The following MED13L variants were observed in gnomAD, a reference collection of about 807,000 sequenced individuals.
The protein encoded by MED13L is mediator complex subunit 13L, also known as mediator of RNA polymerase II transcription subunit 13-like.
In MED13L, 7 loss-of-function variants were observed where a neutral mutation model predicts 220.9. That is an observed-to-expected ratio of 0.03 (90% CI 0.02 to 0.06). MED13L has a LOEUF of 0.06. Among genes scored for constraint, MED13L ranks in the 10% least tolerant of loss-of-function variants. MED13L has a pLI of 1.00. For synonymous variants in MED13L, 1,011 were observed against 1,015.2 expected (o/e 1.00, Z 0.08); for missense variants, 1,965 against 2,760.5 (o/e 0.71, Z 6.46).
chr12:115,995,822 G>A (rs986114443), intron 16 of MED13L, among the ~76,000 whole-genome samples: 2 of 152,116 alleles, frequency 1.3e-5, no homozygotes, highest in African/African-American at 2.4e-5. Flanking sequence ...TGACTATCTC[G>A]TGTAATTTAT....
At chr12:116,050,976 T>C (rs989317975) in intron 4 of MED13L, among the ~76,000 whole-genome samples, 2 of 151,974 alleles carry the variant, frequency 1.3e-5, no homozygotes, top group African/African-American at 4.8e-5. Context: ...ATTTACATTC[T>C]TCAAATATAA....
At chr12:116,041,448 C>T (rs1195983886) in intron 4 of MED13L, among the ~76,000 whole-genome samples, 1 of 152,098 alleles carries the variant, frequency 6.6e-6, no homozygotes, top group Non-Finnish European at 1.5e-5. Context: ...TAATACAGGC[C>T]CGAAGAGATC....
chr12:116,158,354 A>G (rs1184417763), intron 2 of MED13L, among the ~76,000 whole-genome samples: 1 of 152,150 alleles, frequency 6.6e-6, no homozygotes, highest in Admixed American at 6.6e-5. Context: ...AGAATTCTGG[A>G]AGAAGATCGG....
chr12:116,143,089 C>T (rs2138056292), intron 2 of MED13L, among the ~76,000 whole-genome samples: 1 of 152,282 alleles, frequency 6.6e-6, no homozygotes, highest in East Asian at 1.9e-4. Flanking sequence ...TTCTGAACTA[C>T]ATCAGTAGCT....
chr12:115,993,635 T>C (rs1878211432), intron 16 of MED13L, among the ~76,000 whole-genome samples: 1 of 152,094 alleles, frequency 6.6e-6, no homozygotes, highest in South Asian at 2.1e-4. Context: ...GTAATAACGA[T>C]CTTTACTCTA....
chr12:116,061,961 T>C (rs2137639380), intron 4 of MED13L, among the ~76,000 whole-genome samples: 1 of 127,208 alleles, frequency 7.9e-6, no homozygotes, highest in African/African-American at 3.1e-5. Context: ...TGAGCCGAGA[T>C]CACACCGCTG....
At chr12:116,083,830 C>G (rs571619730) in intron 4 of MED13L, among the ~76,000 whole-genome samples, 2 of 152,178 alleles carry the variant, frequency 1.3e-5, no homozygotes, top group African/African-American at 4.8e-5. Flanking sequence ...GTACCTTCAA[C>G]TGATTCTGAA....
Position 116,062,518 on chromosome 12 carries a change from T to G in MED13L, c.479+34151A>C, listed in dbSNP as rs547989568. On this transcript the variant is annotated intron_variant, in intron 4 of 30. Transcript: ENST00000281928. ...TTTTTTTTTTTTTTGAGATGGAGAC[T>G]CACTCTGTTGCCAGGCTGGTGTGCA... 2.9e-3 allele frequency among the ~76,000 whole-genome samples: 379 copies of G among 132,340 alleles called. 3 individuals are homozygous for G. Among genetic ancestry groups the G allele is most frequent in the African/African-American group, 0.01 (365 of 35,180 alleles). 86.8% of individuals were successfully genotyped at this position (132,340 alleles called of 152,430 possible).
intron 2 of MED13L, among the ~76,000 whole-genome samples, chr12:116,217,573 T>C (rs915231315): frequency 1.3e-5 from 2 of 152,194 alleles, no homozygotes; most frequent in East Asian, 3.9e-4. Flanking sequence ...AAACTGCTGA[T>C]GTTACAGCAG....
At chr12:116,231,117 G>A (rs1198582240) in intron 2 of MED13L, among the ~76,000 whole-genome samples, 1 of 152,176 alleles carries the variant, frequency 6.6e-6, no homozygotes, top group African/African-American at 2.4e-5. Context: ...CTAAAAGCAG[G>A]TGATTCCGGA....
Position 115,996,508 on chromosome 12 carries a change from G to A in MED13L, c.2964C>T (p.Pro988=), listed in dbSNP as rs1354003233. ...CATCTCTAATGAAAGTGGCTGCAGG[G>A]GGCATGGGCAGTTGTTCAATTTTAG... ...IPPKIEQLPM[P]PAATFIRDGY... Residue 988 remains proline (P), a synonymous_variant, in exon 16 of 31, where the codon CCC becomes CCT. Transcript: ENST00000281928. 1.2e-6 allele frequency: 2 copies of A among 1,614,038 alleles called. No homozygotes were observed. The highest frequency in any genetic ancestry group is 1.3e-5 in the African/African-American group (1 of 74,920).
At chr12:115,997,491 G>T (rs1030934840) in intron 14 of MED13L, among the ~76,000 whole-genome samples, 3 of 152,192 alleles carry the variant, frequency 2.0e-5, no homozygotes, top group Non-Finnish European at 4.4e-5. Flanking sequence ...GCCTGATCTT[G>T]ACTCACTGTA....
chr12:116,249,627 A>G (rs4766779), intron 1 of MED13L, among the ~76,000 whole-genome samples: 1 of 151,524 alleles, frequency 6.6e-6, no homozygotes, highest in Non-Finnish European at 1.5e-5. Context: ...AAACATAAGG[A>G]CAGAAATGGG....
chr12:116,111,386 C>G (rs1217450994), intron 3 of MED13L, 42 bp downstream of exon 3: 1 of 1,518,926 alleles, frequency 6.6e-7, no homozygotes, highest in South Asian at 1.1e-5. Context: ...TAGCAATATA[C>G]TTGGTTGTCT....
intron 2 of MED13L, among the ~76,000 whole-genome samples, chr12:116,163,940 C>T (rs1232798039): frequency 6.6e-6 from 1 of 152,168 alleles, no homozygotes; most frequent in Non-Finnish European, 1.5e-5. Context: ...TCTTCATTCA[C>T]TGAAGGCAGC....
At chr12:116,006,630 A>G (rs1293540913) in intron 11 of MED13L, among the ~76,000 whole-genome samples, 1 of 152,216 alleles carries the variant, frequency 6.6e-6, no homozygotes, top group East Asian at 1.9e-4. Flanking sequence ...CCTATGGGGT[A>G]TTCTGAGTGA....
intron 1 of MED13L, among the ~76,000 whole-genome samples, chr12:116,252,128 G>A (rs1170102285): frequency 2.0e-5 from 3 of 152,026 alleles, no homozygotes; most frequent in Non-Finnish European, 4.4e-5. Flanking sequence ...AATAGAACAA[G>A]TAGACATAAA....
intron 2 of MED13L, among the ~76,000 whole-genome samples, chr12:116,202,452 T>C (rs1882060627): frequency 6.6e-6 from 1 of 152,180 alleles, no homozygotes; most frequent in Non-Finnish European, 1.5e-5. Flanking sequence ...AATTTAAGGA[T>C]GAAATGTCAT....
intron 1 of MED13L, among the ~76,000 whole-genome samples, chr12:116,247,110 C>T (rs963376044): frequency 1.3e-5 from 2 of 151,758 alleles, no homozygotes; most frequent in African/African-American, 4.8e-5. Flanking sequence ...AGATAATCAA[C>T]AAAAGAGGGT....
Sources: allele counts gnomAD v4.1 joint callset (sites outside exome capture counted in the v4.1 genomes callset), GRCh38; gene constraint gnomAD v4.1.1; transcripts MANE v1.5; gene names NCBI Gene and HGNC (gene_info 2026-07-23, HGNC 2026-07-21).